The following PGM1 variants were observed in gnomAD, a reference collection of about 807,000 sequenced individuals.
The protein encoded by PGM1 is phosphoglucomutase 1, also known as phosphoglucomutase-1.
PGM1 carries 52 observed loss-of-function variants against 55.6 expected under a neutral mutation model. That is an observed-to-expected ratio of 0.94 (90% CI 0.75 to 1.18). The LOEUF is 1.18. Among genes scored for constraint, PGM1 ranks in the 50% most tolerant of loss-of-function variants. The pLI, the probability that PGM1 is intolerant of heterozygous loss-of-function variation, is 0.00. For synonymous variants in PGM1, 287 were observed against 271.7 expected, an observed-to-expected ratio of 1.06 and a Z score of -0.55; for missense variants, 724 against 729.3, an observed-to-expected ratio of 0.99 and a Z score of 0.08.
At chr1:63,639,448 C>T (rs1229123558) in intron 7 of PGM1, among the ~76,000 whole-genome samples, 1 of 151,912 alleles carries the variant, frequency 6.6e-6, no homozygotes, top group Non-Finnish European at 1.5e-5. Context: ...CCTTCCTCCT[C>T]TCTGCTTGTC....
chr1:63,594,460 C>G (rs1647978348), intron 1 of PGM1, among the ~76,000 whole-genome samples: 1 of 152,010 alleles, frequency 6.6e-6, no homozygotes, highest in Non-Finnish European at 1.5e-5. Flanking sequence ...GGGGCTGGAG[C>G]TGAATTTTCA....
intron 7 of PGM1, among the ~76,000 whole-genome samples, chr1:63,645,406 A>C (rs376252389): frequency 6.6e-6 from 1 of 152,186 alleles, no homozygotes; most frequent in South Asian, 2.1e-4. Flanking sequence ...GGAGAAAAAG[A>C]AGGAAGAAAA....
intron 1 of PGM1, among the ~76,000 whole-genome samples, chr1:63,604,416 TCTA>T (rs768549563): frequency 6.6e-6 from 1 of 152,134 alleles, no homozygotes; most frequent in Non-Finnish European, 1.5e-5. Flanking sequence ...GCAGATGGCT[TCTA>T]CTACCACATC....
At chr1:63,608,679 G>A (rs2100964148) in intron 1 of PGM1, among the ~76,000 whole-genome samples, 1 of 152,322 alleles carries the variant, frequency 6.6e-6, no homozygotes, top group African/African-American at 2.4e-5. Context: ...AAGCAAAAGG[G>A]AAATCAGTGT....
At chr1:63,610,820 G>A (rs1317650670) in intron 1 of PGM1, among the ~76,000 whole-genome samples, 1 of 152,150 alleles carries the variant, frequency 6.6e-6, no homozygotes, top group Admixed American at 6.5e-5. Context: ...TCAGTAATAT[G>A]TCGTCAGCCT....
chr1:63,629,683 C>A, intron 2 of PGM1, 96 bp downstream of exon 2: 1 of 1,260,342 alleles, frequency 7.9e-7, no homozygotes, highest in Non-Finnish European at 1.1e-6. Context: ...GGTTCTGATC[C>A]TTTGCAGGGG....
chr1:63,635,063 C>T (rs1280745816), intron 5 of PGM1, 44 bp downstream of exon 5: 2 of 1,546,316 alleles, frequency 1.3e-6, no homozygotes, highest in Non-Finnish European at 1.8e-6. Context: ...CAGGCCAGGC[C>T]TGATCCTGCA....
chr1:63,623,609 A>G (rs762233377), intron 1 of PGM1: 9 of 1,612,730 alleles, frequency 5.6e-6, no homozygotes, highest in Non-Finnish European at 6.8e-6. Context: ...TTTGAGGAAA[A>G]GCCATGCTAT....
intron 7 of PGM1, among the ~76,000 whole-genome samples, chr1:63,646,473 G>C (rs1397507870): frequency 6.6e-6 from 1 of 152,096 alleles, no homozygotes; most frequent in Admixed American, 6.5e-5. Flanking sequence ...GCAGGAGACA[G>C]ATGTCTCCTT....
intron 9 of PGM1, among the ~76,000 whole-genome samples, chr1:63,652,279 C>T (rs1036979330): frequency 3.3e-5 from 5 of 152,178 alleles, no homozygotes; most frequent in African/African-American, 1.2e-4. Flanking sequence ...TATACTTATA[C>T]GTTTCTCTCG....
chr1:63,633,082 A>T (rs1043812779), intron 4 of PGM1, among the ~76,000 whole-genome samples: 3 of 152,116 alleles, frequency 2.0e-5, no homozygotes, highest in Non-Finnish European at 2.9e-5. Context: ...TGAGAGTTGG[A>T]ATTTCAAGTA....
intron 1 of PGM1, among the ~76,000 whole-genome samples, chr1:63,614,145 A>G (rs1420381297): frequency 6.6e-6 from 1 of 152,190 alleles, no homozygotes; most frequent in African/African-American, 2.4e-5. Flanking sequence ...ACATGATCTC[A>G]TATAGTCTTT....
intron 1 of PGM1, among the ~76,000 whole-genome samples, chr1:63,600,988 A>G (rs1371469631): frequency 9.9e-5 from 15 of 151,982 alleles, no homozygotes; most frequent in Non-Finnish European, 1.5e-5. Context: ...CTTTTCATCT[A>G]CCCTCCTAGG....
intron 1 of PGM1, among the ~76,000 whole-genome samples, chr1:63,600,496 A>G (rs1182375348): frequency 6.6e-6 from 1 of 152,224 alleles, no homozygotes; most frequent in African/African-American, 2.4e-5. Context: ...TGAATTGAAC[A>G]AAGTTTCTGC....
At chr1:63,628,086 A>G (rs144294432) in intron 1 of PGM1, among the ~76,000 whole-genome samples, 11 of 152,276 alleles carry the variant, frequency 7.2e-5, no homozygotes, top group African/African-American at 2.6e-4. Flanking sequence ...CAGCTTCTTC[A>G]TGTTTGCAGT....
rs77096264 is a variant in PGM1, at chr1:63,652,288, C to T, written c.1464+436C>T. Among the ~76,000 whole-genome samples the T allele has an allele frequency of 5.4e-3, 828 of 152,284 alleles. 8 individuals are homozygous for T. Among genetic ancestry groups the T allele is most frequent in the African/African-American group, 0.019 (796 of 41,542 alleles). On this transcript the variant is annotated intron_variant, in intron 9 of 10. Transcript: ENST00000371084. ...TGGCATTATACTTATACGTTTCTCT[C>T]GTATGTTCTAATTTCTAAAGGAGAG...
chr1:63,647,237 C>A (rs1305957625), intron 7 of PGM1, among the ~76,000 whole-genome samples: 1 of 119,308 alleles, frequency 8.4e-6, no homozygotes, highest in Non-Finnish European at 1.8e-5. Flanking sequence ...AGCGAAACTC[C>A]GTCTCAAAAA....
intron 7 of PGM1, among the ~76,000 whole-genome samples, chr1:63,643,527 G>A (rs1431826907): frequency 6.6e-6 from 1 of 152,174 alleles, no homozygotes; most frequent in Non-Finnish European, 1.5e-5. Context: ...AGTTCCTGGG[G>A]CCAGCCTCCT....
rs1477093847 is a variant in PGM1 at position 63,593,622 on chromosome 1, C to T, written c.134C>T (p.Ser45Phe). ...GAGAACTTCATCCAGAGTATCATCT[C>T]CACCGTGGAGCCGGCGCAGCGGCAG... is the stretch of plus-strand genomic sequence containing the variant. ...YAENFIQSII[S>F]TVEPAQRQEA... Residue 45 changes from serine (S) to phenylalanine (F), a missense_variant, in exon 1 of 11, where the codon TCC (serine) becomes TTC (phenylalanine). Physicochemically the swap from Ser to Phe is radical, Grantham distance 155. Around this residue, in one of 3 missense-constraint regions of PGM1, gnomAD observed 379 missense variants for 357.5 expected, o/e 1.06. Transcript: ENST00000371084. 1.9e-5 allele frequency: 30 copies of T among 1,612,722 alleles called. No homozygotes were observed. The highest frequency in any genetic ancestry group is 2.4e-5 in the Non-Finnish European group (28 of 1,179,642).
Sources: allele counts gnomAD v4.1 joint callset (sites outside exome capture counted in the v4.1 genomes callset), GRCh38; gene constraint gnomAD v4.1.1; regional missense constraint gnomAD v4.1.1; transcripts MANE v1.5; gene names NCBI Gene and HGNC (gene_info 2026-07-23, HGNC 2026-07-21).